TYRO3: variants seen among roughly 807,000 people sequenced by gnomAD.
TYRO3 encodes TYRO3 protein tyrosine kinase, also known as tyrosine-protein kinase receptor TYRO3.
A neutral mutation model predicts 95.2 loss-of-function variants in TYRO3; 38 were observed. That is an observed-to-expected ratio of 0.40 (90% CI 0.31 to 0.52). The LOEUF is 0.52. Ranked by LOEUF, TYRO3 falls within the 20% of genes least tolerant of loss-of-function variation. The probability of loss-of-function intolerance (pLI) is 0.56; values close to 1 mark genes in which losing one functional copy is unlikely to be tolerated. For missense variants in TYRO3, 812 were observed against 1,116.4 expected (o/e 0.73, Z 3.89); for synonymous variants, 367 against 432.9 (o/e 0.85, Z 1.89).
Position 41,572,579 on chromosome 15 carries a change from T to TG in TYRO3, c.1875+20dup, listed in dbSNP as rs1566902969. ...AGAACCCCTTTGTGAGTACCTGGTG[T>TG]GGGGGTGGCCAGGAGGAAACGGGTG... On this transcript the variant is annotated intron_variant, in intron 15 of 18. Transcript: ENST00000263798. 1.0e-6 allele frequency: 1 copy of TG among 984,420 alleles called. No individual in the cohort carries two copies. Among genetic ancestry groups the TG allele is most frequent in the East Asian group, 2.3e-5 (1 of 43,176 alleles). The allele number at this position is 984,420 out of a possible 1,614,324, so 61.0% of individuals were successfully genotyped here. A position where few individuals can be genotyped will look rare whatever the true frequency, so the allele number is the denominator to read the frequency against.
At chr15:41,566,281 C>CCAGCCTGAG (rs1191699990) in intron 6 of TYRO3, among the ~76,000 whole-genome samples, 1 of 144,530 alleles carries the variant, frequency 6.9e-6, no homozygotes, top group Non-Finnish European at 1.5e-5. Context: ...CCACTGCACT[C>CCAGCCTGAG]CAGCCTGAGT....
Position 41,562,548 on chromosome 15 carries a change from G to C in TYRO3, c.410G>C (p.Gly137Ala). 6.2e-7 allele frequency: 1 copy of C among 1,612,370 alleles called. No homozygotes were observed. The highest frequency in any genetic ancestry group is 8.5e-7 in the Non-Finnish European group (1 of 1,179,980). ...ACTCCTCACTCCCCTTCTCTCCTAG[G>C]TGTGCCATTTTTCACAGTGGAGCCA... is the stretch of plus-strand genomic sequence containing the variant. ...ISQPVWLTVE[G>A]VPFFTVEPKD... The change falls in exon 4 of 19, where the codon GGT (glycine) becomes GCT (alanine). Residue 137 changes from glycine (G) to alanine (A), a missense_variant and splice_region_variant. Physicochemically the swap from Gly to Ala is moderately conservative, Grantham distance 60 (BLOSUM62 0). Transcript: ENST00000263798.
chr15:41,563,578 A>G (rs539093409), intron 4 of TYRO3, among the ~76,000 whole-genome samples: 1 of 152,284 alleles, frequency 6.6e-6, no homozygotes, highest in East Asian at 1.9e-4. Context: ...ACTTCCTTCC[A>G]GGTGTGCGTG....
chr15:41,571,777 G>A (rs1427389734), intron 14 of TYRO3, 90 bp downstream of exon 14: 4 of 573,422 alleles, frequency 7.0e-6, no homozygotes, highest in East Asian at 5.2e-5. Flanking sequence ...AGAGACTTTT[G>A]GACTCATCTG....
intron 6 of TYRO3, among the ~76,000 whole-genome samples, chr15:41,566,562 G>A (rs750991778): frequency 2.6e-5 from 4 of 152,142 alleles, no homozygotes; most frequent in South Asian, 2.1e-4. Context: ...AGGATGGACC[G>A]CAGTGTGATA....
At position 41,573,131 on chromosome 15, in the gene TYRO3, C is replaced by T. The variant is rs199869325; in HGVS notation, c.1985+20C>T. ...TTGCATGTACGAATTCTGGAGGACTCGAGGGTGGGAGACAGCAGCAGGTGC... is the reference window on the plus strand; with the variant it reads ...TTGCATGTACGAATTCTGGAGGACTTGAGGGTGGGAGACAGCAGCAGGTGC... On this transcript the variant is annotated intron_variant, in intron 16 of 18. Coordinates refer to ENST00000263798, the MANE Select transcript of TYRO3 (RefSeq NM_006293.4). 24 of 1,003,238 alleles carry T rather than the reference C, an allele frequency of 2.4e-5. No homozygotes were observed. The highest frequency in any genetic ancestry group is 8.8e-5 in the Admixed American group (4 of 45,302). 62.1% of individuals were successfully genotyped at this position (1,003,238 alleles called of 1,614,324 possible).
Position 41,581,888 on chromosome 15 carries a change from T to G in TYRO3, c.*3612T>G, listed in dbSNP as rs2055927099. On this transcript the variant is annotated 3_prime_UTR_variant, in exon 19 of 19. Coordinates refer to ENST00000263798, the MANE Select transcript of TYRO3 (RefSeq NM_006293.4). The stretch of plus-strand genomic sequence containing the variant: ...GGCTCACGCCTATAATCCCAGCGCT[T>G]TGGGATTTTCTGTCTCAAAAAAAAA... The G allele has an allele frequency of 7.5e-6, 1 of 132,808 alleles. No individual in the cohort carries two copies. The allele number at this position is 132,808 out of a possible 1,614,324, so 8.2% of individuals were successfully genotyped here. A position where few individuals can be genotyped will look rare whatever the true frequency, so the allele number is the denominator to read the frequency against.
intron 13 of TYRO3, 29 bp from the exon 14 acceptor site, chr15:41,571,560 GTTTTAT>G: frequency 6.8e-7 from 1 of 1,462,698 alleles, no homozygotes; most frequent in Non-Finnish European, 9.6e-7. Context: ...GGCACATCTT[GTTTTAT>G]TTCCTCCTTC....
In TYRO3 at chr15:41,574,692, T is replaced by TA. The variant is rs1275205153; in HGVS notation, c.2282+878dup. The TA allele has an allele frequency of 6.6e-6, 3 of 455,652 alleles. No individual in the cohort carries two copies. The East Asian group carries it at 2.1e-4, about 32-fold the overall frequency. 28.2% of individuals were successfully genotyped at this position (455,652 alleles called of 1,614,324 possible). A position where few individuals can be genotyped will look rare whatever the true frequency, so the allele number is the denominator to read the frequency against. ...CACTCCATCCAAGCCAAGGGCTCCCTAGGCCTTCAGACAACCTTTTGTGAG... is the reference window on the plus strand; with the variant it reads ...CACTCCATCCAAGCCAAGGGCTCCCTAAGGCCTTCAGACAACCTTTTGTGAG... On this transcript the variant is annotated intron_variant, in intron 18 of 18. Coordinates refer to ENST00000263798, the MANE Select transcript of TYRO3 (RefSeq NM_006293.4).
chr15:41,571,681 C>A lies in TYRO3; in HGVS notation c.1747C>A (p.Leu583Ile). ...KEFDHPHVAK[L>I]VGVSLRSRAK... ...GTTTGACCATCCACACGTGGCCAAA[C>A]TTGTTGGTGAGCCCATTTTTGGGGG... The change falls in exon 14 of 19, where the codon CTT becomes ATT. Residue 583 changes from leucine to isoleucine, a missense_variant. Transcript: ENST00000263798. The A allele has an allele frequency of 1.2e-5, 20 of 1,607,196 alleles. No individual in the cohort carries two copies. Among genetic ancestry groups the A allele is most frequent in the Non-Finnish European group, 1.7e-5 (20 of 1,174,086 alleles).
At position 41,581,670 on chromosome 15, in the gene TYRO3, A is replaced by T. The variant is rs2055924269; in HGVS notation, c.*3394A>T. ...GGTGAAACCCCATCTCTACTAAAAA[A>T]TACAAAAACTAGCCAGGAGTGGTGG... On this transcript the variant is annotated 3_prime_UTR_variant, in exon 19 of 19. Coordinates refer to ENST00000263798, the MANE Select transcript of TYRO3 (RefSeq NM_006293.4). The T allele has an allele frequency of 6.6e-6, 1 of 152,062 alleles. No individual in the cohort carries two copies. Among genetic ancestry groups the T allele is most frequent in the Non-Finnish European group, 1.5e-5 (1 of 68,070 alleles). The allele number at this position is 152,062 out of a possible 1,614,324, so 9.4% of individuals were successfully genotyped here. A position where few individuals can be genotyped will look rare whatever the true frequency, so the allele number is the denominator to read the frequency against.
intron 17 of TYRO3, 88 bp downstream of exon 17, chr15:41,573,555 T>TG (rs1429597619): frequency 2.1e-5 from 33 of 1,565,956 alleles, no homozygotes; most frequent in Middle Eastern, 3.6e-4. Flanking sequence ...GTCTGCTCTC[T>TG]GGGGTTTGGT....
chr15:41,560,426 T>TGC lies in TYRO3; in HGVS notation c.125-700_125-699insCG, dbSNP rs1263626620. ...GTGTGTGTGTGTGTGTGTGTGTGTG[T>TGC]GTGCGCGCGCGCGCGCGCGCTCGCA... On this transcript the variant is annotated intron_variant, in intron 1 of 18. Coordinates refer to ENST00000263798, the MANE Select transcript of TYRO3 (RefSeq NM_006293.4). Among the ~76,000 whole-genome samples, 679 of 134,384 alleles carry TGC rather than the reference T, an allele frequency of 5.1e-3. 3 individuals are homozygous for TGC. The highest frequency in any genetic ancestry group is 6.5e-3 in the Non-Finnish European group (397 of 60,922). 88.2% of individuals were successfully genotyped at this position (134,384 alleles called of 152,430 possible).
chr15:41,562,331 C>CAA (rs11363130), intron 3 of TYRO3: 3,393 of 172,678 alleles, frequency 0.02, 5 homozygotes, highest in East Asian at 0.039. Context: ...CGACCAATCT[C>CAA]AAAAAAAAAA....
intron 15 of TYRO3, 109 bp downstream of exon 15, chr15:41,572,673 C>T (rs2055812455): frequency 1.5e-6 from 2 of 1,346,528 alleles, no homozygotes; most frequent in South Asian, 2.8e-5. Flanking sequence ...GCTGATGGAG[C>T]TGGGTGGGAG....
intron 3 of TYRO3, 39 bp from the exon 4 acceptor site, chr15:41,562,509 A>G (rs1257936879): frequency 1.9e-6 from 3 of 1,606,784 alleles, no homozygotes; most frequent in Non-Finnish European, 2.5e-6. Context: ...GGAAGCCAAG[A>G]GGTGGCAGGG....
At chr15:41,568,083 C>T (rs1744567617) in intron 7 of TYRO3, 134 bp from the exon 8 acceptor site, 1 of 1,204,600 alleles carries the variant, frequency 8.3e-7, no homozygotes, top group South Asian at 1.4e-5. Context: ...GCAGTCAGAG[C>T]TGGGAGGTGA....
At chr15:41,575,853 G>A (rs183876935) in intron 18 of TYRO3, among the ~76,000 whole-genome samples, 244 of 152,216 alleles carry the variant, frequency 1.6e-3, no homozygotes, top group African/African-American at 5.5e-3. Context: ...GGTGGCTCAC[G>A]CCCGTAATCC....
intron 14 of TYRO3, among the ~76,000 whole-genome samples, chr15:41,571,996 T>TAA (rs111436611): frequency 3.5e-4 from 50 of 143,514 alleles, no homozygotes; most frequent in South Asian, 4.4e-4. Context: ...CACCTCTATT[T>TAA]AAAAAAAAAA....
Sources: gnomAD v4.1 joint callset for allele counts (sites outside exome capture counted in the v4.1 genomes callset) on GRCh38, gnomAD v4.1.1 for gene constraint, MANE v1.5 for transcripts, NCBI Gene and HGNC (gene_info 2026-07-23, HGNC 2026-07-21) for gene names.